Variants in CCDC93 observed in about 807,000 individuals in gnomAD.
CCDC93 encodes the protein coiled-coil domain-containing protein 93.
In CCDC93, 61 loss-of-function variants were observed where a neutral mutation model predicts 108.2. The observed-to-expected ratio is 0.56, with a 90% CI of 0.46 to 0.70. The LOEUF (loss-of-function observed/expected upper bound fraction) is 0.70, where lower values mean the gene tolerates loss of function less well. Ranked by LOEUF, CCDC93 falls within the 30% of genes least tolerant of loss-of-function variation. CCDC93 has a pLI of 0.00. For synonymous variants in CCDC93, 276 were observed against 260.4 expected, an observed-to-expected ratio of 1.06 and a Z score of -0.58; for missense variants, 685 against 764.2, an observed-to-expected ratio of 0.90 and a Z score of 1.22.
At chr2:117,950,771 C>T in intron 13 of CCDC93, 1 of 985,366 alleles carries the variant, frequency 1.0e-6, no homozygotes, top group Non-Finnish European at 1.2e-6. Context: ...ATACAGCTTC[C>T]CATTTTTCTA....
chr2:117,981,831 C>T (rs548699477), intron 7 of CCDC93, among the ~76,000 whole-genome samples: 1 of 152,286 alleles, frequency 6.6e-6, no homozygotes, highest in Non-Finnish European at 1.5e-5. Context: ...TGGATAGTGG[C>T]TACCATACTG....
At position 117,941,194 on chromosome 2, in the gene CCDC93, CG is replaced by C; in HGVS notation, c.1516del (p.Arg506AlafsTer34). 6.2e-7 allele frequency: 1 copy of C among 1,608,392 alleles called. No individual in the cohort carries two copies. Among genetic ancestry groups the C allele is most frequent in the Non-Finnish European group, 8.5e-7 (1 of 1,174,944 alleles). On this transcript the variant is annotated frameshift_variant, in exon 19 of 24. Coordinates refer to ENST00000376300, the MANE Select transcript of CCDC93 (RefSeq NM_019044.5). LOFTEE classifies it high-confidence loss of function. ...TCTGTGGTCAATGCACCTACTCTGGCGGTAGAGTTCAATAAATCTCTTCTGA... is the reference window on the plus strand; with the variant it reads ...TCTGTGGTCAATGCACCTACTCTGGCGTAGAGTTCAATAAATCTCTTCTGA... ...QYQKRFIELY[R>X]QISAVHKETK...
chr2:117,930,830 CATTT>C, intron 23 of CCDC93: 3 of 476,810 alleles, frequency 6.3e-6, no homozygotes, highest in South Asian at 3.7e-5. Flanking sequence ...TGTCTTAAAA[CATTT>C]AATTAGACCT....
chr2:117,946,031 C>G (rs1678861223), intron 16 of CCDC93, among the ~76,000 whole-genome samples: 2 of 152,292 alleles, frequency 1.3e-5, no homozygotes, highest in East Asian at 1.9e-4. Flanking sequence ...CCATGCCAGT[C>G]CCCTCACAGA....
chr2:117,927,692 A>G (rs1678169135), intron 23 of CCDC93, among the ~76,000 whole-genome samples: 1 of 152,292 alleles, frequency 6.6e-6, no homozygotes, highest in Non-Finnish European at 1.5e-5. Context: ...GCCCAAGGTA[A>G]TTTATAGATT....
At chr2:117,946,929 T>G (rs747100316) in intron 15 of CCDC93, 47 bp from the exon 16 acceptor site, 1 of 1,274,136 alleles carries the variant, frequency 7.8e-7, no homozygotes, top group South Asian at 1.2e-5. Flanking sequence ...AAGGAGTAAT[T>G]AGACGCAATT....
Position 118,006,858 on chromosome 2 carries a change from T to TG in CCDC93, c.157-43dup, listed in dbSNP as rs777648839. Reference sequence around the variant, plus strand: ...AAATATTTGTTTTCTCTTTTTAGTTTGGGGAGAATGGAAGAAGTGGAAGGT... The same window carrying TG: ...AAATATTTGTTTTCTCTTTTTAGTTTGGGGGAGAATGGAAGAAGTGGAAGGT... On this transcript the variant is annotated intron_variant, in intron 2 of 23. Transcript: ENST00000376300. The TG allele has an allele frequency of 9.6e-5, 121 of 1,261,414 alleles. No homozygotes were observed. In the African/African-American group the frequency reaches 1.5e-3, roughly 15 times the overall value. 78.1% of individuals were successfully genotyped at this position (1,261,414 alleles called of 1,614,324 possible).
intron 22 of CCDC93, among the ~76,000 whole-genome samples, chr2:117,932,417 C>T (rs1319886649): frequency 2.0e-5 from 3 of 152,202 alleles, no homozygotes; most frequent in Non-Finnish European, 4.4e-5. Flanking sequence ...CTACACAGGA[C>T]AAATGCAACT....
intron 23 of CCDC93, among the ~76,000 whole-genome samples, chr2:117,923,250 G>A (rs956222641): frequency 2.6e-5 from 4 of 152,184 alleles, no homozygotes; most frequent in Non-Finnish European, 5.9e-5. Context: ...CCTCACTGGG[G>A]AGTGTCAGAA....
intron 11 of CCDC93, among the ~76,000 whole-genome samples, chr2:117,963,904 A>T (rs1679471010): frequency 6.6e-6 from 1 of 152,234 alleles, no homozygotes; most frequent in East Asian, 1.9e-4. Context: ...ATGCAAATTG[A>T]TACGGACTCT....
chr2:117,937,797 A>G (rs944226398), intron 20 of CCDC93, among the ~76,000 whole-genome samples: 1 of 152,202 alleles, frequency 6.6e-6, no homozygotes, highest in African/African-American at 2.4e-5. Flanking sequence ...CATGAAATGC[A>G]TTCATCTATT....
chr2:117,950,767 C>T (rs1370351671), intron 13 of CCDC93: 1 of 985,292 alleles, frequency 1.0e-6, no homozygotes, highest in Non-Finnish European at 1.2e-6. Context: ...TTTTATACAG[C>T]TTCCCATTTT....
rs1305550088 is a variant in CCDC93 at position 117,958,497 on chromosome 2, AT to A, written c.889-17del. The A allele has an allele frequency of 7.1e-7, 1 of 1,413,196 alleles. No homozygotes were observed. The highest frequency in any genetic ancestry group is 1.0e-6 in the Non-Finnish European group (1 of 996,920). The allele number at this position is 1,413,196 out of a possible 1,614,324, so 87.5% of individuals were successfully genotyped here. A position where few individuals can be genotyped will look rare whatever the true frequency, so the allele number is the denominator to read the frequency against. On this transcript the variant is annotated splice_polypyrimidine_tract_variant and intron_variant, in intron 11 of 23. Coordinates refer to ENST00000376300, the MANE Select transcript of CCDC93 (RefSeq NM_019044.5). ...GCTCAGACTGCTGTGGAAAAAAGGG[AT>A]GGCAAATCCAAAGGATTTAGTTAGT...
chr2:118,002,412 A>G (rs1353655714), intron 3 of CCDC93, among the ~76,000 whole-genome samples: 2 of 152,222 alleles, frequency 1.3e-5, no homozygotes, highest in African/African-American at 2.4e-5. Context: ...CCTAGGAACT[A>G]AAGTTAAAAC....
At chr2:117,953,716 C>T (rs1679130829) in intron 12 of CCDC93, among the ~76,000 whole-genome samples, 1 of 115,758 alleles carries the variant, frequency 8.6e-6, no homozygotes, top group Non-Finnish European at 1.8e-5. Context: ...CAAAGTGAGA[C>T]TCTGCTGTCT....
chr2:117,961,563 G>A (rs56259214), intron 11 of CCDC93, among the ~76,000 whole-genome samples: 8,658 of 152,256 alleles, frequency 0.057, 302 homozygotes, highest in Non-Finnish European at 0.082. Flanking sequence ...TGACCGCTCT[G>A]TTTTTCAAAC....
chr2:117,936,659 G>C (rs771159699), intron 21 of CCDC93, 43 bp downstream of exon 21: 5 of 1,541,824 alleles, frequency 3.2e-6, no homozygotes, highest in African/African-American at 2.7e-5. Context: ...TCAAAGCGCA[G>C]GCCGGCAGGG....
intron 7 of CCDC93, among the ~76,000 whole-genome samples, chr2:117,978,768 G>A (rs1016106142): frequency 1.3e-5 from 2 of 152,170 alleles, no homozygotes; most frequent in Non-Finnish European, 2.9e-5. Flanking sequence ...AGCACTTTGG[G>A]AGGCTGAGGC....
At chr2:117,949,939 A>T (rs1679001057) in intron 13 of CCDC93, 1 of 985,250 alleles carries the variant, frequency 1.0e-6, no homozygotes, top group Admixed American at 6.1e-5. Context: ...AGTGTTGGGG[A>T]TCTGCATTAG....
Sources: allele counts gnomAD v4.1 joint callset (sites outside exome capture counted in the v4.1 genomes callset), GRCh38; gene constraint gnomAD v4.1.1; transcripts MANE v1.5; gene names NCBI Gene and HGNC (gene_info 2026-07-23, HGNC 2026-07-21).